COL6A2: variants seen among roughly 807,000 people sequenced by gnomAD.
The protein encoded by COL6A2 is collagen alpha-2(VI) chain.
Under a neutral mutation model 124.9 loss-of-function variants are expected in COL6A2, and 90 were observed. The ratio of observed to expected loss-of-function variants is 0.72; its 90% confidence interval spans 0.61 to 0.86. The LOEUF is 0.86. COL6A2 is among the 40% of genes least tolerant of loss of function. COL6A2 has a pLI of 0.00. For missense variants in COL6A2, 1,607 were observed against 1,502.5 expected (o/e 1.07, Z -1.15); for synonymous variants, 793 against 618.2 (o/e 1.28, Z -4.19).
intron 27 of COL6A2, among the ~76,000 whole-genome samples, chr21:46,131,114 C>A (rs1283452079): frequency 2.6e-5 from 4 of 152,188 alleles, no homozygotes; most frequent in East Asian, 3.9e-4. Flanking sequence ...GAAGCAGACA[C>A]CCTTGGGGAA....
At chr21:46,100,027 G>A (rs2123587818) in intron 1 of COL6A2, among the ~76,000 whole-genome samples, 1 of 151,134 alleles carries the variant, frequency 6.6e-6, no homozygotes, top group Non-Finnish European at 1.5e-5. Context: ...GTGTAGTGAT[G>A]TGCATTGCCT....
chr21:46,109,422 G>T (rs1007477665), intron 1 of COL6A2, among the ~76,000 whole-genome samples: 2 of 152,194 alleles, frequency 1.3e-5, no homozygotes, highest in Admixed American at 6.5e-5. Context: ...GTTCCCCTCT[G>T]GTCCGTAGGA....
At chr21:46,123,021 CAGG>C (rs1221508576) in intron 21 of COL6A2, 84 bp downstream of exon 21, 9 of 1,313,054 alleles carry the variant, frequency 6.9e-6, no homozygotes, top group East Asian at 2.3e-5. Context: ...TCTATGAGTA[CAGG>C]AGAACGCCAG....
In COL6A2 at chr21:46,125,781, G is replaced by A. The variant is rs1191148507; in HGVS notation, c.1970-4G>A. 3.1e-6 allele frequency: 5 copies of A among 1,611,248 alleles called. No individual in the cohort carries two copies. Among genetic ancestry groups the A allele is most frequent in the South Asian group, 1.1e-5 (1 of 91,068 alleles). On this transcript the variant is annotated splice_region_variant and splice_polypyrimidine_tract_variant and intron_variant, in intron 25 of 27. Transcript: ENST00000300527. Reference sequence around the variant, plus strand: ...GGCAACGACCTCACGCGTGCGGCTTGCAGGGACGCGTGTGGGCGTGGTGCA... The same window carrying A: ...GGCAACGACCTCACGCGTGCGGCTTACAGGGACGCGTGTGGGCGTGGTGCA...
rs371345402 is a variant in COL6A2 at position 46,127,625 on chromosome 21, G to C, written c.2461+1084G>C. ...ACCCTGAGGGCAGGAACCAGACCTT[G>C]GCTCCTCCACCCACCCCCTCGTTCC... On this transcript the variant is annotated intron_variant, in intron 27 of 27. Coordinates refer to ENST00000300527, the MANE Select transcript of COL6A2 (RefSeq NM_001849.4). 9.2e-5 allele frequency among the ~76,000 whole-genome samples: 14 copies of C among 152,274 alleles called. No individual in the cohort carries two copies. In the East Asian group the frequency reaches 2.5e-3, roughly 27 times the overall value.
chr21:46,129,370 A>G (rs2078725792), intron 27 of COL6A2: 1 of 1,612,748 alleles, frequency 6.2e-7, no homozygotes, highest in Non-Finnish European at 8.5e-7. Flanking sequence ...TACACCGCCG[A>G]GCGGGCCAAG....
intron 2 of COL6A2, 26 bp from the exon 3 acceptor site, chr21:46,111,953 C>G: frequency 1.9e-6 from 3 of 1,604,824 alleles, no homozygotes; most frequent in Non-Finnish European, 2.6e-6. Flanking sequence ...CTGAGGCTGG[C>G]TCGTGACAGG....
chr21:46,098,582 A>G (rs2078252062), intron 1 of COL6A2, among the ~76,000 whole-genome samples: 1 of 151,486 alleles, frequency 6.6e-6, no homozygotes. Context: ...GCCCGCGGGG[A>G]AGACGCCCCG....
chr21:46,104,542 G>C (rs2078318015), intron 1 of COL6A2, among the ~76,000 whole-genome samples: 1 of 152,188 alleles, frequency 6.6e-6, no homozygotes, highest in Admixed American at 6.5e-5. Context: ...GGGTCTGTGG[G>C]ATACCATCAA....
At chr21:46,129,768 A>C in intron 27 of COL6A2, 1 of 1,318,956 alleles carries the variant, frequency 7.6e-7, no homozygotes, top group Non-Finnish European at 9.7e-7. Context: ...GCCCACCCCA[A>C]GTCCAGAATG....
At chr21:46,119,915 GC>G in intron 15 of COL6A2, 65 bp downstream of exon 15, 1 of 1,415,392 alleles carries the variant, frequency 7.1e-7, no homozygotes. Flanking sequence ...GCTGACGAGG[GC>G]CCCAACCCCA....
chr21:46,119,323 G>C (rs1039967631), intron 14 of COL6A2, among the ~76,000 whole-genome samples: 18 of 152,174 alleles, frequency 1.2e-4, no homozygotes, highest in Non-Finnish European at 2.1e-4. Context: ...AGCCCAGGCA[G>C]GTCCTCCATG....
At chr21:46,121,665 T>TGCCTGAGGAGCAGGACAGGGGGCCG (rs1460839024) in intron 18 of COL6A2, 47 bp downstream of exon 18, 4 of 1,596,168 alleles carry the variant, frequency 2.5e-6, no homozygotes, top group Non-Finnish European at 3.4e-6. Flanking sequence ...TCGGGGCAGC[T>TGCCTGAGGAGCAGGACAGGGGGCCG]GCCTGAGGAG....
At chr21:46,111,404 G>T in intron 1 of COL6A2, 46 bp from the exon 2 acceptor site, 1 of 1,137,622 alleles carries the variant, frequency 8.8e-7, no homozygotes, top group Non-Finnish European at 1.3e-6. Context: ...AGGGTGCCAG[G>T]GGAGAGGCAC....
At position 46,111,143 on chromosome 21, in the gene COL6A2, CG is replaced by C. The variant is rs2078392824; in HGVS notation, c.-27-306del. Among the ~76,000 whole-genome samples, 3 of 152,120 alleles carry C rather than the reference CG, an allele frequency of 2.0e-5. No homozygotes were observed. In the South Asian group the frequency reaches 6.2e-4, roughly 32 times the overall value. On this transcript the variant is annotated intron_variant, in intron 1 of 27. Coordinates refer to ENST00000300527, the MANE Select transcript of COL6A2 (RefSeq NM_001849.4). ...TGCTCCATTCCCTTCCATGCCGACG[CG>C]CCCAGCTACCCACTCCACCCAGCCC...
At chr21:46,131,920 C>T (rs1265896781) in intron 27 of COL6A2, 34 bp from the exon 28 acceptor site, 5 of 1,553,338 alleles carry the variant, frequency 3.2e-6, no homozygotes, top group South Asian at 2.3e-5. Context: ...GCCCACCTCC[C>T]CTCCGCCCAG....
chr21:46,116,910 CAT>C lies in COL6A2; in HGVS notation c.999+97_999+98del, dbSNP rs772762792. The C allele has an allele frequency of 1.9e-5, 21 of 1,121,598 alleles. No homozygotes were observed. The highest frequency in any genetic ancestry group is 2.3e-4 in the Middle Eastern group (1 of 4,392). The allele number at this position is 1,121,598 out of a possible 1,614,324, so 69.5% of individuals were successfully genotyped here. ...ATCCAGCCTGATCTGTCAGCTTACA[CAT>C]GTGTACACACGCATACACACACACA... On this transcript the variant is annotated intron_variant, in intron 10 of 27. Transcript: ENST00000300527. The surrounding 1 kb of genome is among the most constrained non-coding windows in gnomAD (Gnocchi z 4.6).
intron 13 of COL6A2, 118 bp from the exon 14 acceptor site, chr21:46,118,912 G>T: frequency 1.0e-6 from 1 of 988,790 alleles, no homozygotes; most frequent in South Asian, 1.4e-5. Context: ...GCCCCCATGT[G>T]CCTGGCAAGC....
rs371640468 is a variant in COL6A2, at chr21:46,112,405, G to A, written c.542G>A (p.Arg181His). The change falls in exon 3 of 28, where the codon CGC (arginine) becomes CAC (histidine). Residue 181 changes from arginine (R) to histidine (H), a missense_variant. Around this residue, in one of 3 missense-constraint regions of COL6A2, gnomAD observed 342 missense variants for 381.5 expected, o/e 0.90. Transcript: ENST00000300527. ...ATCAAGCTGCAGGCCGAGCGGGCCC[G>A]CGAGGAGGGCATCCGGCTCTTCGCC... ...GGIKLQAERA[R>H]EEGIRLFAVA... is the part of the protein sequence containing the mutation. The A allele has an allele frequency of 7.5e-5, 121 of 1,608,136 alleles. No individual in the cohort carries two copies. Among genetic ancestry groups the A allele is most frequent in the African/African-American group, 1.3e-4 (10 of 74,888 alleles).
Sources: allele counts gnomAD v4.1 joint callset (sites outside exome capture counted in the v4.1 genomes callset), GRCh38; gene constraint gnomAD v4.1.1; regional missense constraint gnomAD v4.1.1; non-coding constraint Gnocchi (gnomAD v3.1); transcripts MANE v1.5; gene names NCBI Gene and HGNC (gene_info 2026-07-23, HGNC 2026-07-21).